SELENOI: variants seen among roughly 807,000 people sequenced by gnomAD.
SELENOI encodes ethanolaminephosphotransferase 1.
A neutral mutation model predicts 50.7 loss-of-function variants in SELENOI; 24 were observed. The ratio of observed to expected loss-of-function variants is 0.47; its 90% CI spans 0.34 to 0.67. The LOEUF is 0.67. Ranked by LOEUF, SELENOI falls within the 30% of genes least tolerant of loss-of-function variation. The pLI is 0.01. For synonymous variants in SELENOI, 155 were observed against 170.2 expected, an observed-to-expected ratio of 0.91 and a Z score of 0.70; for missense variants, 352 against 461.4, an observed-to-expected ratio of 0.76 and a Z score of 2.17.
chr2:26,387,661 G>T, intron 9 of SELENOI, among the ~76,000 whole-genome samples: 1 of 147,524 alleles, frequency 6.8e-6, no homozygotes, highest in Non-Finnish European at 1.5e-5. Flanking sequence ...GTGCCACTGT[G>T]CTCCAGCCTG....
chr2:26,384,213 C>A (rs1446011879), intron 7 of SELENOI, among the ~76,000 whole-genome samples: 1 of 152,240 alleles, frequency 6.6e-6, no homozygotes, highest in African/African-American at 2.4e-5. Flanking sequence ...ATCTGCGTAG[C>A]AGAATCTTAT....
At position 26,385,005 on chromosome 2, in the gene SELENOI, A is replaced by G; in HGVS notation, c.778A>G (p.Met260Val). The change falls in exon 8 of 10, where the codon ATG becomes GTG. Residue 260 changes from methionine to valine, a missense_variant. Met to Val is a conservative substitution (Grantham distance 21, BLOSUM62 1). Transcript: ENST00000260585. ...TLKLNSVYEA[M>V]VPLFSPCLLF... ...GAAACTCAATTCAGTCTATGAAGCT[A>G]TGGTTCCCTTATTTTCTCCATGCTT... The G allele has an allele frequency of 1.2e-6, 2 of 1,612,782 alleles. No homozygotes were observed. Among genetic ancestry groups the G allele is most frequent in the Non-Finnish European group, 8.5e-7 (1 of 1,179,514 alleles).
chr2:26,383,347 G>A lies in SELENOI; in HGVS notation c.731G>A (p.Arg244Lys), dbSNP rs1204391093. The change falls in exon 7 of 10, where the codon AGA (arginine) becomes AAA (lysine). Residue 244 changes from arginine to lysine, a missense_variant and splice_region_variant. Physicochemically the swap from Arg to Lys is conservative, Grantham distance 26. Transcript: ENST00000260585. Reference protein sequence around the residue: ...TLPMSLLNFFRSYKNNTLKLN... With the variant: ...TLPMSLLNFFKSYKNNTLKLN... ...CCAATGAGTTTATTAAACTTTTTCA[G>A]GTAAGTATTTTATTTTTTAAATGGG... The A allele has an allele frequency of 1.3e-6, 2 of 1,531,440 alleles. No individual in the cohort carries two copies. The highest frequency in any genetic ancestry group is 1.8e-6 in the Non-Finnish European group (2 of 1,129,224). The allele number at this position is 1,531,440 out of a possible 1,614,324, so 94.9% of individuals were successfully genotyped here. A position where few individuals can be genotyped will look rare whatever the true frequency, so the allele number is the denominator to read the frequency against.
intron 2 of SELENOI, among the ~76,000 whole-genome samples, 181 bp downstream of exon 2, chr2:26,364,551 C>A (rs961665227): frequency 2.0e-5 from 3 of 152,116 alleles, no homozygotes; most frequent in Non-Finnish European, 4.4e-5. Context: ...GAAGTTTATA[C>A]CCTGGGATTT....
rs869073468 is a variant in SELENOI at position 26,348,996 on chromosome 2, CTTTTTTTTTTTTTTTTTTTTTT to C, written c.57+2721_57+2742del. The stretch of plus-strand genomic sequence containing the variant: ...CTACCCATCCTTTGTTTTGGACAGG[CTTTTTTTTTTTTTTTTTTTTTT>C]TTTTTTTTTTTTTGGAGATGGAGGT... On this transcript the variant is annotated intron_variant, in intron 1 of 9. Transcript: ENST00000260585. Among the ~76,000 whole-genome samples the C allele has an allele frequency of 7.0e-3, 403 of 57,754 alleles. 6 individuals carry two copies. Among genetic ancestry groups the C allele is most frequent in the Middle Eastern group, 0.019 (1 of 54 alleles). The allele number at this position is 57,754 out of a possible 152,430, so 37.9% of individuals were successfully genotyped here.
Position 26,393,412 on chromosome 2 carries a change from A to G in SELENOI, c.*4309A>G, listed in dbSNP as rs1472068224. On this transcript the variant is annotated 3_prime_UTR_variant, in exon 10 of 10. Coordinates refer to ENST00000260585, the MANE Select transcript of SELENOI (RefSeq NM_033505.4). ...TTTTTAAAGCAGGGATCTGCTCCCT[A>G]TCTAGACAGATCTTTTAATGCATTA... 1 of 152,674 alleles carries G rather than the reference A, an allele frequency of 6.5e-6. No individual in the cohort carries two copies. The highest frequency in any genetic ancestry group is 1.5e-5 in the Non-Finnish European group (1 of 68,044). 9.5% of individuals were successfully genotyped at this position (152,674 alleles called of 1,614,324 possible). A position where few individuals can be genotyped will look rare whatever the true frequency, so the allele number is the denominator to read the frequency against.
chr2:26,378,847 C>T (rs1170996598), intron 6 of SELENOI, among the ~76,000 whole-genome samples: 1 of 152,178 alleles, frequency 6.6e-6, no homozygotes, highest in East Asian at 1.9e-4. Flanking sequence ...TCCCAGATAT[C>T]ATTTCTTTTC....
intron 6 of SELENOI, among the ~76,000 whole-genome samples, chr2:26,376,770 TTC>T (rs1193496403): frequency 3.9e-5 from 6 of 152,362 alleles, no homozygotes; most frequent in African/African-American, 9.6e-5. Context: ...TAGCAGTTTA[TTC>T]TCTCTTTTTA....
chr2:26,359,821 C>G (rs964060344), intron 1 of SELENOI, among the ~76,000 whole-genome samples: 1 of 152,030 alleles, frequency 6.6e-6, no homozygotes, highest in Non-Finnish European at 1.5e-5. Context: ...TTTTGGTGAT[C>G]TGAGGCCTGT....
intron 7 of SELENOI, among the ~76,000 whole-genome samples, chr2:26,384,366 T>C (rs1211537339): frequency 2.6e-5 from 4 of 152,242 alleles, no homozygotes; most frequent in East Asian, 1.9e-4. Flanking sequence ...GAGGCTCTCA[T>C]TGGGCAACAT....
intron 6 of SELENOI, among the ~76,000 whole-genome samples, chr2:26,380,721 G>C (rs1170603610): frequency 6.6e-6 from 1 of 152,190 alleles, no homozygotes; most frequent in Non-Finnish European, 1.5e-5. Context: ...CATATGGGTT[G>C]TGTGATTTTC....
intron 1 of SELENOI, among the ~76,000 whole-genome samples, chr2:26,358,589 T>G (rs756885597): frequency 5.3e-5 from 8 of 152,172 alleles, no homozygotes; most frequent in Non-Finnish European, 1.0e-4. Flanking sequence ...TACAGAGACT[T>G]AAGTGAAAGC....
Position 26,385,014 on chromosome 2 carries a change from T to G in SELENOI, c.787T>G (p.Leu263Val), listed in dbSNP as rs1439194278. The G allele has an allele frequency of 1.2e-6, 2 of 1,612,944 alleles. No individual in the cohort carries two copies. The highest frequency in any genetic ancestry group is 1.1e-5 in the South Asian group (1 of 90,860). The change falls in exon 8 of 10, where the codon TTA becomes GTA. Residue 263 changes from leucine (L) to valine (V), a missense_variant. Leu to Val is a conservative substitution (Grantham distance 32, BLOSUM62 1). Transcript: ENST00000260585. ...TTCAGTCTATGAAGCTATGGTTCCC[T>G]TATTTTCTCCATGCTTGCTGTTCAT... is the stretch of plus-strand genomic sequence containing the variant. The part of the protein sequence containing the change: ...LNSVYEAMVP[L>V]FSPCLLFILS...
rs1677933034 is a variant in SELENOI at position 26,390,184 on chromosome 2, T to A, written c.*1081T>A. On this transcript the variant is annotated 3_prime_UTR_variant, in exon 10 of 10. Transcript: ENST00000260585. ...TACTGAGTACATGCCCCCTTTAATG[T>A]TAACATGACTTGGAGTAATTTCTGA... The A allele has an allele frequency of 6.6e-6, 1 of 151,330 alleles. No homozygotes were observed. The highest frequency in any genetic ancestry group is 1.5e-5 in the Non-Finnish European group (1 of 67,860). 9.4% of individuals were successfully genotyped at this position (151,330 alleles called of 1,614,324 possible).
chr2:26,373,300 A>G (rs558237765), intron 4 of SELENOI, 67 bp from the exon 5 acceptor site: 20 of 1,517,044 alleles, frequency 1.3e-5, no homozygotes, highest in East Asian at 9.6e-5. Context: ...CCTCCAGTTT[A>G]TTAAAGAAGA....
Position 26,385,033 on chromosome 2 carries a change from T to C in SELENOI, c.806T>C (p.Leu269Pro). ...GTTCCCTTATTTTCTCCATGCTTGC[T>C]GTTCATTTTGTCTACAGCGTGGATC... ...AMVPLFSPCL[L>P]FILSTAWILW... Residue 269 changes from leucine (L) to proline (P), a missense_variant, in exon 8 of 10, where the codon CTG becomes CCG. Physicochemically the swap from Leu to Pro is moderately conservative, Grantham distance 98 (BLOSUM62 -3). Transcript: ENST00000260585. 1.2e-6 allele frequency: 2 copies of C among 1,613,416 alleles called. No homozygotes were observed. Among genetic ancestry groups the C allele is most frequent in the South Asian group, 1.1e-5 (1 of 91,024 alleles).
chr2:26,375,043 A>G lies in SELENOI; in HGVS notation c.577A>G (p.Ile193Val). 6.2e-7 allele frequency: 1 copy of G among 1,608,612 alleles called. No homozygotes were observed. Among genetic ancestry groups the G allele is most frequent in the Non-Finnish European group, 8.5e-7 (1 of 1,176,036 alleles). The change falls in exon 6 of 10, where the codon ATT becomes GTT. Residue 193 changes from isoleucine (I) to valine (V), a missense_variant. By Grantham distance (29) the Ile-to-Val change is conservative. Coordinates refer to ENST00000260585, the MANE Select transcript of SELENOI (RefSeq NM_033505.4). The stretch of plus-strand genomic sequence containing the variant: ...TTTGTCTGCATTTTCCTTCCAGACT[A>G]TTTCTTTTGTCTACATAGTGACTGC... ...PWGYDISQVT[I>V]SFVYIVTAVV...
chr2:26,358,027 G>A (rs1041548768), intron 1 of SELENOI, among the ~76,000 whole-genome samples: 1 of 152,142 alleles, frequency 6.6e-6, no homozygotes, highest in African/African-American at 2.4e-5. Context: ...AGTAAGACAT[G>A]CCTTTCGCCT....
chr2:26,388,988 G>T lies in SELENOI; in HGVS notation c.1096-17G>T. ...AGGTACATATTTGTCACTGTCTCAT[G>T]TTCTGATTTTTCATAGGTAAAGCAG... On this transcript the variant is annotated splice_polypyrimidine_tract_variant and intron_variant, in intron 9 of 9. Transcript: ENST00000260585. 1.3e-6 allele frequency: 2 copies of T among 1,552,312 alleles called. No individual in the cohort carries two copies. The highest frequency in any genetic ancestry group is 1.8e-6 in the Non-Finnish European group (2 of 1,140,572).
Sources: allele counts gnomAD v4.1 joint callset (sites outside exome capture counted in the v4.1 genomes callset), GRCh38; gene constraint gnomAD v4.1.1; transcripts MANE v1.5; gene names NCBI Gene and HGNC (gene_info 2026-07-23, HGNC 2026-07-21).